Variants in TMEM132D observed in about 807,000 individuals in gnomAD.
TMEM132D encodes the protein transmembrane protein 132D.
In TMEM132D, 21 loss-of-function variants were observed where a neutral mutation model predicts 62.3. That is an observed-to-expected ratio of 0.34 (90% CI 0.24 to 0.49). The LOEUF is 0.49. Among genes scored for constraint, TMEM132D ranks in the 20% least tolerant of loss-of-function variants. The pLI is 0.99. For synonymous variants in TMEM132D, 621 were observed against 575.6 expected, an observed-to-expected ratio of 1.08 and a Z score of -1.13; for missense variants, 1,346 against 1,402.8, an observed-to-expected ratio of 0.96 and a Z score of 0.65.
intron 3 of TMEM132D, among the ~76,000 whole-genome samples, chr12:129,460,655 A>T (rs1655454144): frequency 6.6e-6 from 1 of 152,216 alleles, no homozygotes; most frequent in Admixed American, 6.5e-5. Context: ...GTTAGCTCCT[A>T]TTAAAAAGTT....
chr12:129,082,578 G>A (rs1159185122), intron 6 of TMEM132D, among the ~76,000 whole-genome samples: 1 of 152,128 alleles, frequency 6.6e-6, no homozygotes, highest in Non-Finnish European at 1.5e-5. Context: ...CCGCACGAGT[G>A]AGCCTGCATG....
chr12:129,086,422 C>T (rs955566764), intron 5 of TMEM132D, among the ~76,000 whole-genome samples: 2 of 152,048 alleles, frequency 1.3e-5, no homozygotes, highest in African/African-American at 4.8e-5. Context: ...TCTGAACATC[C>T]AGTGTCTATT....
At chr12:129,146,314 A>C (rs11060159) in intron 5 of TMEM132D, among the ~76,000 whole-genome samples, 9,827 of 152,154 alleles carry the variant, frequency 0.065, 452 homozygotes, top group Non-Finnish European at 0.098. Context: ...TATCTTTCAC[A>C]TCCTTTTTTC....
intron 3 of TMEM132D, among the ~76,000 whole-genome samples, chr12:129,511,264 C>T (rs1875489267): frequency 6.6e-6 from 1 of 152,168 alleles, no homozygotes; most frequent in Non-Finnish European, 1.5e-5. Flanking sequence ...TATAGAATTT[C>T]ACATAAATGG....
At chr12:129,244,410 C>CAAAAAAAAAAAAACAAAAAAAAA (rs1305354488) in intron 4 of TMEM132D, among the ~76,000 whole-genome samples, 1 of 122,244 alleles carries the variant, frequency 8.2e-6, no homozygotes, top group South Asian at 2.7e-4. Flanking sequence ...AAAAAAAAAA[C>CAAAAAAAAAAAAACAAAAAAAAA]AAACAAAAAG....
chr12:129,309,862 A>G (rs186568819), intron 4 of TMEM132D, among the ~76,000 whole-genome samples: 4 of 152,300 alleles, frequency 2.6e-5, no homozygotes, highest in Admixed American at 1.3e-4. Context: ...AAAAACTATA[A>G]GAAAATAGAT....
At chr12:129,569,896 G>A (rs143536444) in intron 2 of TMEM132D, among the ~76,000 whole-genome samples, 4 of 152,214 alleles carry the variant, frequency 2.6e-5, no homozygotes, top group East Asian at 3.9e-4. Flanking sequence ...GAAACTGAAC[G>A]TTTTTAGTTG....
chr12:129,325,116 A>G (rs955088031), intron 4 of TMEM132D, among the ~76,000 whole-genome samples: 5 of 152,172 alleles, frequency 3.3e-5, no homozygotes, highest in Admixed American at 6.5e-5. Flanking sequence ...CAGGCCAGGT[A>G]TCTGAATTGG....
chr12:129,534,010 G>A (rs1876308195), intron 2 of TMEM132D, among the ~76,000 whole-genome samples: 2 of 152,196 alleles, frequency 1.3e-5, no homozygotes, highest in Admixed American at 1.3e-4. Context: ...TTTGAAGCAC[G>A]AATCTCAGAG....
chr12:129,356,828 G>A (rs1176966881), intron 3 of TMEM132D, among the ~76,000 whole-genome samples: 1 of 151,106 alleles, frequency 6.6e-6, no homozygotes, highest in East Asian at 2.0e-4. Context: ...TTGTGCCACT[G>A]CACTCCAGCC....
chr12:129,448,251 A>G (rs7488953), intron 3 of TMEM132D, among the ~76,000 whole-genome samples: 84,253 of 151,970 alleles, frequency 0.55, 23,854 homozygotes, highest in East Asian at 0.87. Context: ...GTTATGGGGT[A>G]TATGTGCAGG....
intron 3 of TMEM132D, among the ~76,000 whole-genome samples, chr12:129,398,025 A>G (rs1345357673): frequency 1.3e-5 from 2 of 152,160 alleles, no homozygotes; most frequent in African/African-American, 4.8e-5. Context: ...GCCAGACCCA[A>G]CACCCCATGT....
At chr12:129,376,107 T>C (rs938444927) in intron 3 of TMEM132D, among the ~76,000 whole-genome samples, 1 of 152,154 alleles carries the variant, frequency 6.6e-6, no homozygotes, top group Non-Finnish European at 1.5e-5. Context: ...CTCTGGTTCC[T>C]GGAGAAAAAA....
At position 129,156,588 on chromosome 12, in the gene TMEM132D, C is replaced by A. The variant is rs189874733; in HGVS notation, c.1443+52932G>T. On this transcript the variant is annotated intron_variant, in intron 5 of 8. Coordinates refer to ENST00000422113, the MANE Select transcript of TMEM132D (RefSeq NM_133448.3). ...CAACCTACTCCCCAGATAAATAACA[C>A]CCTCCCAATGGAGTGAATCCACTCC... Among the ~76,000 whole-genome samples, 131 of 152,258 alleles carry A rather than the reference C, an allele frequency of 8.6e-4. 2 individuals carry two copies. Among genetic ancestry groups the A allele is most frequent in the Non-Finnish European group, 1.6e-3 (106 of 68,022 alleles).
chr12:129,451,219 C>G (rs1248185002), intron 3 of TMEM132D, among the ~76,000 whole-genome samples: 1 of 152,112 alleles, frequency 6.6e-6, no homozygotes, highest in Non-Finnish European at 1.5e-5. Flanking sequence ...AAATAAAATG[C>G]ACAGATGCTA....
At chr12:129,264,259 C>T (rs10734969) in intron 4 of TMEM132D, among the ~76,000 whole-genome samples, 145,713 of 152,306 alleles carry the variant, frequency 0.96, 69,999 homozygotes, top group East Asian at 1. Context: ...CATGGTAACA[C>T]GAGCCTGTAG....
intron 2 of TMEM132D, among the ~76,000 whole-genome samples, chr12:129,550,020 G>A (rs962622897): frequency 1.3e-5 from 2 of 152,148 alleles, no homozygotes; most frequent in African/African-American, 4.8e-5. Flanking sequence ...TCTCTTTCCT[G>A]TTAGGATATA....
chr12:129,625,841 T>G (rs1252991784), intron 2 of TMEM132D, among the ~76,000 whole-genome samples: 1 of 152,068 alleles, frequency 6.6e-6, no homozygotes. Context: ...TCAGAGGGGG[T>G]ATGTGTAAAG....
At chr12:129,237,852 A>G (rs749463739) in intron 4 of TMEM132D, among the ~76,000 whole-genome samples, 2 of 151,942 alleles carry the variant, frequency 1.3e-5, no homozygotes, top group Non-Finnish European at 2.9e-5. Context: ...CGGTGGCAGG[A>G]ACCTGTAATC....
Sources: gnomAD v4.1 joint callset for allele counts (sites outside exome capture counted in the v4.1 genomes callset) on GRCh38, gnomAD v4.1.1 for gene constraint, MANE v1.5 for transcripts, NCBI Gene and HGNC (gene_info 2026-07-23, HGNC 2026-07-21) for gene names.